The following HS3ST3B1 variants were observed in gnomAD, a reference collection of about 807,000 sequenced individuals.
The protein encoded by HS3ST3B1 is heparan sulfate-glucosamine 3-sulfotransferase 3B1.
In HS3ST3B1, 13 loss-of-function variants were observed where a neutral mutation model predicts 21.3. That is an observed-to-expected ratio of 0.61 (90% CI 0.40 to 0.97). The LOEUF (loss-of-function observed/expected upper bound fraction) is 0.97. Ranked by LOEUF, HS3ST3B1 falls within the 50% of genes least tolerant of loss-of-function variation. The pLI is 0.00. For synonymous variants in HS3ST3B1, 234 were observed against 254.8 expected, an observed-to-expected ratio of 0.92 and a Z score of 0.78; for missense variants, 459 against 554.8, an observed-to-expected ratio of 0.83 and a Z score of 1.73.
At chr17:14,314,417 CA>C (rs1237348597) in intron 1 of HS3ST3B1, among the ~76,000 whole-genome samples, 13 of 152,188 alleles carry the variant, frequency 8.5e-5, no homozygotes, top group Non-Finnish European at 1.8e-4. Flanking sequence ...AGTGGCAGTT[CA>C]AAAACCCCCA....
At chr17:14,329,394 A>G (rs1909928406) in intron 1 of HS3ST3B1, 2 of 130,936 alleles carry the variant, frequency 1.5e-5, no homozygotes, top group Admixed American at 1.7e-4. Flanking sequence ...AAGGAAGGAG[A>G]GGAAGGAAGG....
rs147312550 is a variant in HS3ST3B1 at position 14,323,901 on chromosome 17, C to A, written c.555-21127C>A. Among the ~76,000 whole-genome samples the A allele has an allele frequency of 5.3e-4, 80 of 152,280 alleles. No homozygotes were observed. The East Asian group carries it at 0.015, about 29-fold the overall frequency. On this transcript the variant is annotated intron_variant, in intron 1 of 1. Coordinates refer to ENST00000360954, the MANE Select transcript of HS3ST3B1 (RefSeq NM_006041.3). The stretch of plus-strand genomic sequence containing the variant: ...GCCTGTGAGCTTAGTGCCCTATGTT[C>A]CCAGCCCAGGGAATTGGAAATTGAT...
intron 1 of HS3ST3B1, chr17:14,304,335 G>A (rs1274283607): frequency 1.3e-5 from 2 of 152,254 alleles, no homozygotes; most frequent in Non-Finnish European, 2.9e-5. Context: ...TGCCGCAACT[G>A]GCCCCAAACA....
chr17:14,313,794 T>G (rs1465220619), intron 1 of HS3ST3B1, among the ~76,000 whole-genome samples: 1 of 152,060 alleles, frequency 6.6e-6, no homozygotes, highest in Admixed American at 6.5e-5. Context: ...GGTCTCGAAC[T>G]CCTGACCTCA....
At chr17:14,311,724 G>C (rs563517270) in intron 1 of HS3ST3B1, among the ~76,000 whole-genome samples, 2 of 152,264 alleles carry the variant, frequency 1.3e-5, no homozygotes, top group African/African-American at 4.8e-5. Context: ...TTAAAACACT[G>C]AGGAAGTACA....
rs1217433467 is a variant in HS3ST3B1 at position 14,345,553 on chromosome 17, C to T, written c.1080C>T (p.Ile360=). The T allele has an allele frequency of 1.0e-5, 16 of 1,596,408 alleles. No individual in the cohort carries two copies. Among genetic ancestry groups the T allele is most frequent in the East Asian group, 2.2e-5 (1 of 44,772 alleles). ...GKTKGRTHPE[I]DREVVRRLRE... is the part of the protein sequence containing the mutation. ...CCAAGGGCAGGACCCATCCTGAGATCGACCGCGAGGTGGTGCGCAGGCTGC... is the reference window on the plus strand; with the variant it reads ...CCAAGGGCAGGACCCATCCTGAGATTGACCGCGAGGTGGTGCGCAGGCTGC... The change falls in exon 2 of 2, where the codon ATC becomes ATT. Residue 360 remains isoleucine, a synonymous_variant. Coordinates refer to ENST00000360954, the MANE Select transcript of HS3ST3B1 (RefSeq NM_006041.3).
intron 1 of HS3ST3B1, among the ~76,000 whole-genome samples, chr17:14,317,263 T>C (rs1387226065): frequency 6.6e-6 from 1 of 152,260 alleles, no homozygotes; most frequent in Non-Finnish European, 1.5e-5. Context: ...TGCCAGTGTA[T>C]GACCAGAGCA....
chr17:14,342,766 C>A (rs113102021), intron 1 of HS3ST3B1, among the ~76,000 whole-genome samples: 22 of 152,190 alleles, frequency 1.4e-4, no homozygotes, highest in African/African-American at 5.3e-4. Context: ...AGAATTTAAA[C>A]CCAGGCAGTC....
chr17:14,326,093 G>C (rs950745511), intron 1 of HS3ST3B1, among the ~76,000 whole-genome samples: 131 of 152,200 alleles, frequency 8.6e-4, no homozygotes, highest in African/African-American at 2.9e-3. Flanking sequence ...GAATGTAATA[G>C]TTATGAAAAA....
At chr17:14,325,535 G>A (rs1909783146) in intron 1 of HS3ST3B1, among the ~76,000 whole-genome samples, 1 of 152,170 alleles carries the variant, frequency 6.6e-6, no homozygotes, top group African/African-American at 2.4e-5. Flanking sequence ...ATATTGGATT[G>A]CTATATTGCT....
intron 1 of HS3ST3B1, among the ~76,000 whole-genome samples, chr17:14,334,191 G>A (rs1457396068): frequency 1.3e-5 from 2 of 152,172 alleles, no homozygotes; most frequent in Admixed American, 6.5e-5. Context: ...AAGTTGAGGC[G>A]TAGTTGAAAA....
chr17:14,314,296 T>C lies in HS3ST3B1; in HGVS notation c.554+12224T>C, dbSNP rs117571229. On this transcript the variant is annotated intron_variant, in intron 1 of 1. Coordinates refer to ENST00000360954, the MANE Select transcript of HS3ST3B1 (RefSeq NM_006041.3). The stretch of plus-strand genomic sequence containing the variant: ...GCCTGGCCTGGGTTTCTTATTTAAA[T>C]TTTTATTTACATACTTATAGAAAAG... Among the ~76,000 whole-genome samples, 199 of 152,298 alleles carry C rather than the reference T, an allele frequency of 1.3e-3. 3 individuals are homozygous for C. In the East Asian group the frequency reaches 0.03, roughly 23 times the overall value.
chr17:14,332,779 A>G (rs536495722), intron 1 of HS3ST3B1, among the ~76,000 whole-genome samples: 1 of 149,868 alleles, frequency 6.7e-6, no homozygotes, highest in Non-Finnish European at 1.5e-5. Flanking sequence ...GGTACAGAGC[A>G]GAGTCCCTGA....
chr17:14,343,729 T>C (rs911231125), intron 1 of HS3ST3B1, among the ~76,000 whole-genome samples: 1 of 152,186 alleles, frequency 6.6e-6, no homozygotes, highest in African/African-American at 2.4e-5. Flanking sequence ...AAAAAATCTA[T>C]TCTCCATTGA....
intron 1 of HS3ST3B1, among the ~76,000 whole-genome samples, chr17:14,321,188 G>A (rs3826365): frequency 0.88 from 133,379 of 152,170 alleles, 58,639 homozygotes; most frequent in African/African-American, 0.91. Flanking sequence ...TCCCGTCTAC[G>A]TTCCGGGTTT....
chr17:14,312,658 C>A (rs1288381592), intron 1 of HS3ST3B1, among the ~76,000 whole-genome samples: 1 of 152,008 alleles, frequency 6.6e-6, no homozygotes, highest in East Asian at 1.9e-4. Context: ...CTCCCCTTCT[C>A]TGACCGAGGC....
chr17:14,341,979 T>C (rs1259489556), intron 1 of HS3ST3B1, among the ~76,000 whole-genome samples: 3 of 152,212 alleles, frequency 2.0e-5, no homozygotes, highest in Non-Finnish European at 4.4e-5. Flanking sequence ...AATCCAGCTT[T>C]AGCTTAAATC....
At chr17:14,333,498 T>C (rs1910088109) in intron 1 of HS3ST3B1, among the ~76,000 whole-genome samples, 1 of 151,826 alleles carries the variant, frequency 6.6e-6, no homozygotes, top group Admixed American at 6.6e-5. Context: ...AAACAGATTT[T>C]GTTCAACAAC....
intron 1 of HS3ST3B1, among the ~76,000 whole-genome samples, chr17:14,310,027 T>C (rs925626721): frequency 1.3e-5 from 2 of 152,224 alleles, no homozygotes; most frequent in Admixed American, 6.5e-5. Context: ...ATAATCCTCT[T>C]TCCACCCACT....
Sources: gnomAD v4.1 joint callset for allele counts (sites outside exome capture counted in the v4.1 genomes callset) on GRCh38, gnomAD v4.1.1 for gene constraint, MANE v1.5 for transcripts, NCBI Gene and HGNC (gene_info 2026-07-23, HGNC 2026-07-21) for gene names.